CNST: variants seen among roughly 807,000 people sequenced by gnomAD.
The protein encoded by CNST is consortin, connexin sorting protein, also known as consortin.
A neutral mutation model predicts 72.4 loss-of-function variants in CNST; 39 were observed. The observed-to-expected ratio is 0.54, with a 90% confidence interval of 0.42 to 0.70. CNST has a LOEUF of 0.70. Among genes scored for constraint, CNST ranks in the 30% least tolerant of loss-of-function variants. CNST has a pLI of 0.00. For synonymous variants in CNST, 332 were observed against 320.1 expected (o/e 1.04, Z -0.40); for missense variants, 871 against 868.5 (o/e 1.00, Z -0.04).
chr1:246,625,372 T>C lies in CNST; in HGVS notation c.585+3738T>C, dbSNP rs571510803. ...CATTTATGAACAGTCTAAGAATTCA[T>C]GTAGAATGTCCCATAATCAGGATTT... On this transcript the variant is annotated intron_variant, in intron 3 of 10. Coordinates refer to ENST00000366513, the MANE Select transcript of CNST (RefSeq NM_152609.3). 1.1e-4 allele frequency among the ~76,000 whole-genome samples: 16 copies of C among 151,878 alleles called. No homozygotes were observed. The South Asian group carries it at 1.5e-3, about 14-fold the overall frequency.
intron 1 of CNST, among the ~76,000 whole-genome samples, chr1:246,586,506 A>G (rs1217407982): frequency 6.7e-6 from 1 of 149,558 alleles, no homozygotes; most frequent in Non-Finnish European, 1.5e-5. Flanking sequence ...TAATATATAA[A>G]TATATAAATA....
At chr1:246,662,399 A>AT (rs953248773) in intron 10 of CNST, among the ~76,000 whole-genome samples, 31 of 151,860 alleles carry the variant, frequency 2.0e-4, no homozygotes, top group African/African-American at 6.0e-4. Flanking sequence ...ATTTGATTTT[A>AT]TTTTTTTTGA....
At chr1:246,590,298 C>T (rs147127220) in intron 1 of CNST, among the ~76,000 whole-genome samples, 9 of 152,236 alleles carry the variant, frequency 5.9e-5, no homozygotes, top group South Asian at 2.1e-4. Context: ...CTTCCTCATA[C>T]GATGTCTGGA....
intron 2 of CNST, among the ~76,000 whole-genome samples, chr1:246,605,666 G>T (rs534446453): frequency 6.8e-4 from 103 of 150,882 alleles, no homozygotes; most frequent in African/African-American, 2.4e-3. Flanking sequence ...TCCGGCCGGG[G>T]TGCGTGTCTT....
chr1:246,588,987 A>T (rs1170183218), intron 1 of CNST, among the ~76,000 whole-genome samples: 1 of 152,190 alleles, frequency 6.6e-6, no homozygotes, highest in African/African-American at 2.4e-5. Flanking sequence ...ATGTGTGTTC[A>T]TATTTCAGGT....
chr1:246,620,830 G>A (rs1452709179), intron 2 of CNST, among the ~76,000 whole-genome samples: 1 of 150,534 alleles, frequency 6.6e-6, no homozygotes. Flanking sequence ...GCATACACAC[G>A]ACGGGCTCTG....
intron 2 of CNST, among the ~76,000 whole-genome samples, chr1:246,620,764 A>G (rs866842888): frequency 3.0e-4 from 37 of 123,094 alleles, no homozygotes; most frequent in African/African-American, 7.6e-4. Flanking sequence ...AGCTTCAGTC[A>G]TGCATACACA....
In CNST at chr1:246,649,024, C is replaced by G. The variant is rs76272006; in HGVS notation, c.1836+987C>G. On this transcript the variant is annotated intron_variant, in intron 9 of 10. Coordinates refer to ENST00000366513, the MANE Select transcript of CNST (RefSeq NM_152609.3). ...CCATTTATAGTCAATTCTCTATAAACAATGACTTTTCTTTTTAATTTTTTT... is the reference window on the plus strand; with the variant it reads ...CCATTTATAGTCAATTCTCTATAAAGAATGACTTTTCTTTTTAATTTTTTT... Among the ~76,000 whole-genome samples the G allele has an allele frequency of 1.3e-3, 195 of 152,272 alleles. 1 individual carries two copies. Among genetic ancestry groups the G allele is most frequent in the Non-Finnish European group, 2.3e-3 (154 of 68,000 alleles).
intron 10 of CNST, among the ~76,000 whole-genome samples, 190 bp downstream of exon 10, chr1:246,660,524 G>C (rs530296279): frequency 6.6e-6 from 1 of 152,276 alleles, no homozygotes; most frequent in African/African-American, 2.4e-5. Flanking sequence ...TCAGGAGTTC[G>C]AGACAAGCCT....
In CNST at chr1:246,578,391, G is replaced by A. The variant is rs143811688; in HGVS notation, c.-52+11728G>A. On this transcript the variant is annotated intron_variant, in intron 1 of 10. Coordinates refer to ENST00000366513, the MANE Select transcript of CNST (RefSeq NM_152609.3). ...GGATTCTGTATTAACCATTGCCTTC[G>A]GCTGGGCGTGGTGGCTCACGCCTGT... 8.0e-4 allele frequency among the ~76,000 whole-genome samples: 122 copies of A among 152,138 alleles called. 2 individuals are homozygous for A. The East Asian group carries it at 0.014, about 17-fold the overall frequency.
chr1:246,645,599 TTG>T (rs1197740134), intron 8 of CNST, among the ~76,000 whole-genome samples: 2 of 151,648 alleles, frequency 1.3e-5, no homozygotes, highest in Admixed American at 6.6e-5. Flanking sequence ...GGCTAATTTT[TTG>T]TGTTTTTAGT....
In CNST at chr1:246,647,474, C is replaced by T. The variant is rs746593259; in HGVS notation, c.1273C>T (p.Leu425Phe). The T allele has an allele frequency of 1.2e-6, 2 of 1,614,184 alleles. No individual in the cohort carries two copies. Among genetic ancestry groups the T allele is most frequent in the South Asian group, 1.1e-5 (1 of 91,078 alleles). The change falls in exon 9 of 11, where the codon CTT (leucine) becomes TTT (phenylalanine). Residue 425 changes from leucine (L) to phenylalanine (F), a missense_variant. Transcript: ENST00000366513. ...CATTGCTGAAGACCCTAAGGTGTTT[C>T]TTTCCAGCAAGTCAAAGACAGAGCC... ...EGIAEDPKVFLSSKSKTEPLI... is the reference protein window; with the variant it reads ...EGIAEDPKVFFSSKSKTEPLI...
At chr1:246,620,724 G>A (rs888333275) in intron 2 of CNST, among the ~76,000 whole-genome samples, 3 of 133,782 alleles carry the variant, frequency 2.2e-5, no homozygotes, top group African/African-American at 5.6e-5. Context: ...GCATACACAC[G>A]ATGGGCTCTG....
chr1:246,604,731 T>G (rs1158730784), intron 2 of CNST, among the ~76,000 whole-genome samples: 2 of 151,510 alleles, frequency 1.3e-5, no homozygotes, highest in Non-Finnish European at 1.5e-5. Flanking sequence ...TGCAATGGCG[T>G]GATCTCCGCC....
chr1:246,651,978 A>C (rs1369721601), intron 9 of CNST, among the ~76,000 whole-genome samples: 1 of 152,200 alleles, frequency 6.6e-6, no homozygotes, highest in Non-Finnish European at 1.5e-5. Context: ...AAATACACGT[A>C]AGGATTTTTA....
Position 246,656,441 on chromosome 1 carries a change from A to G in CNST, c.1837-3758A>G, listed in dbSNP as rs1048925033. Among the ~76,000 whole-genome samples the G allele has an allele frequency of 5.9e-5, 9 of 152,344 alleles. No individual in the cohort carries two copies. In the East Asian group the frequency reaches 1.5e-3, roughly 26 times the overall value. ...ATTTTTTTTAATTCTGCATTTATTC[A>G]TAGAGCACCACCCGTAACAATTACA... On this transcript the variant is annotated intron_variant, in intron 9 of 10. Transcript: ENST00000366513.
At chr1:246,570,664 A>G (rs1256644520) in intron 1 of CNST, among the ~76,000 whole-genome samples, 1 of 143,336 alleles carries the variant, frequency 7.0e-6, no homozygotes, top group Non-Finnish European at 1.6e-5. Context: ...TCTGTGAGAG[A>G]TGTGTGGATG....
chr1:246,637,207 G>A (rs974123368), intron 6 of CNST, among the ~76,000 whole-genome samples: 2 of 152,190 alleles, frequency 1.3e-5, no homozygotes, highest in African/African-American at 2.4e-5. Context: ...ACCCTGGTAC[G>A]ATGGACCCAG....
rs1431697410 is a variant in CNST, at chr1:246,648,079, TA to T, written c.1836+48del. On this transcript the variant is annotated intron_variant, in intron 9 of 10. Coordinates refer to ENST00000366513, the MANE Select transcript of CNST (RefSeq NM_152609.3). ...GTACAATTAAAAGTAAAATGGCATT[TA>T]AAAAACATATATATGTATTAAATAT... The T allele has an allele frequency of 1.9e-6, 3 of 1,553,250 alleles. No homozygotes were observed. In the African/African-American group the frequency reaches 4.2e-5, roughly 22 times the overall value.
Sources: allele counts gnomAD v4.1 joint callset (sites outside exome capture counted in the v4.1 genomes callset), GRCh38; gene constraint gnomAD v4.1.1; transcripts MANE v1.5; gene names NCBI Gene and HGNC (gene_info 2026-07-23, HGNC 2026-07-21).